Variants in ZMYM2 observed in about 807,000 individuals in gnomAD.
ZMYM2 encodes the protein zinc finger MYM-type protein 2.
A neutral mutation model predicts 162.8 loss-of-function variants in ZMYM2; 56 were observed. That is an observed-to-expected ratio of 0.34 (90% CI 0.28 to 0.43). ZMYM2 has a LOEUF of 0.43. ZMYM2 is among the 20% of genes least tolerant of loss of function. ZMYM2 has a pLI of 1.00. For synonymous variants in ZMYM2, 510 were observed against 541.6 expected (o/e 0.94, Z 0.81); for missense variants, 1,275 against 1,621.8 (o/e 0.79, Z 3.67).
intron 20 of ZMYM2, 76 bp downstream of exon 20, chr13:20,067,095 A>AAAAACAT: frequency 6.9e-7 from 1 of 1,440,954 alleles, no homozygotes. Flanking sequence ...TTTAAATTTA[A>AAAAACAT]AAAACATAAA....
intron 18 of ZMYM2, 72 bp downstream of exon 18, chr13:20,063,043 T>C (rs1028848628): frequency 1.3e-4 from 192 of 1,468,898 alleles, no homozygotes; most frequent in Middle Eastern, 1.7e-4. Flanking sequence ...TACCATTTGA[T>C]GTTTGTGTCA....
Position 20,066,985 on chromosome 13 carries a change from TGAA to T in ZMYM2, c.3270_3272del (p.Glu1090del). ...ACTGGGTCAAAACTAGGCAACTTGA[TGAA>T]GATCTTCTGGTATTAGATGAGTTAA... On this transcript the variant is annotated inframe_deletion, in exon 20 of 25. Transcript: ENST00000610343. The T allele has an allele frequency of 6.2e-7, 1 of 1,611,984 alleles. No homozygotes were observed. Among genetic ancestry groups the T allele is most frequent in the Non-Finnish European group, 8.5e-7 (1 of 1,179,092 alleles).
the ZMYM2 span, among the ~76,000 whole-genome samples, chr13:19,891,358 C>G: frequency 6.6e-6 from 1 of 151,912 alleles, no homozygotes; most frequent in Non-Finnish European, 1.5e-5. Context: ...CCTTAAACTT[C>G]CCAGCTTCCA....
chr13:20,059,712 G>T, intron 16 of ZMYM2, 150 bp downstream of exon 16: 1 of 642,746 alleles, frequency 1.6e-6, no homozygotes, highest in Admixed American at 2.9e-5. Context: ...AAATATGGGC[G>T]GCCCTCTATA....
intron 14 of ZMYM2, among the ~76,000 whole-genome samples, chr13:20,056,437 T>C (rs1426639031): frequency 1.3e-5 from 2 of 152,172 alleles, no homozygotes; most frequent in Non-Finnish European, 2.9e-5. Context: ...CCCCAAATAC[T>C]AGTCTCTTCT....
intron 3 of ZMYM2, among the ~76,000 whole-genome samples, chr13:20,000,608 C>T (rs1950321408): frequency 1.3e-5 from 2 of 152,224 alleles, no homozygotes; most frequent in Admixed American, 1.3e-4. Flanking sequence ...GTGTTTACAG[C>T]ATGGTTTACT....
upstream of ZMYM2, among the ~76,000 whole-genome samples, chr13:19,955,971 G>A (rs995428957): frequency 1.8e-4 from 27 of 152,162 alleles, no homozygotes; most frequent in African/African-American, 6.5e-4. Context: ...CACACACACA[G>A]TTTTAGTTGT....
At chr13:19,915,104 G>A in the ZMYM2 span, among the ~76,000 whole-genome samples, 1 of 152,144 alleles carries the variant, frequency 6.6e-6, no homozygotes, top group Admixed American at 6.6e-5. Flanking sequence ...TGAGACTACA[G>A]GCATGTGCCA....
chr13:20,026,491 A>T (rs1952593411), intron 7 of ZMYM2, 121 bp from the exon 8 acceptor site: 1 of 971,024 alleles, frequency 1.0e-6, no homozygotes, highest in African/African-American at 1.7e-5. Context: ...TCATGACTCT[A>T]AACCTGTTTA....
upstream of ZMYM2, among the ~76,000 whole-genome samples, chr13:19,958,473 G>T (rs1217409927): frequency 6.6e-6 from 1 of 152,104 alleles, no homozygotes; most frequent in African/African-American, 2.4e-5. Context: ...GTGGGGGCGG[G>T]GGACCGGCGG....
chr13:19,882,223 A>G, the ZMYM2 span, among the ~76,000 whole-genome samples: 1 of 152,138 alleles, frequency 6.6e-6, no homozygotes, highest in Non-Finnish European at 1.5e-5. Flanking sequence ...GGAATTACTA[A>G]GAAAGTGAAA....
Position 20,087,308 on chromosome 13 carries a change from T to G in ZMYM2, c.*1294T>G, listed in dbSNP as rs1958332366. On this transcript the variant is annotated 3_prime_UTR_variant, in exon 25 of 25. Transcript: ENST00000610343. ...CAACTTTGTGCTTCTGCATAGCAATTTATCCATTCAGACCTTTTCTTTTAG... is the reference window on the plus strand; with the variant it reads ...CAACTTTGTGCTTCTGCATAGCAATGTATCCATTCAGACCTTTTCTTTTAG... The G allele has an allele frequency of 5.3e-6, 1 of 188,980 alleles. No homozygotes were observed. Among genetic ancestry groups the G allele is most frequent in the Non-Finnish European group, 1.1e-5 (1 of 89,738 alleles). The allele number at this position is 188,980 out of a possible 1,614,324, so 11.7% of individuals were successfully genotyped here.
chr13:20,058,314 A>G (rs1955964423), intron 14 of ZMYM2, among the ~76,000 whole-genome samples: 1 of 152,204 alleles, frequency 6.6e-6, no homozygotes, highest in Non-Finnish European at 1.5e-5. Context: ...ATATTTTTCT[A>G]AAATCATTCT....
the ZMYM2 span, among the ~76,000 whole-genome samples, chr13:19,865,893 G>C: frequency 1.3e-5 from 2 of 151,968 alleles, no homozygotes; most frequent in African/African-American, 4.8e-5. Flanking sequence ...CTAATACAAA[G>C]TCACAGCATT....
At chr13:19,953,277 G>T in the ZMYM2 span, among the ~76,000 whole-genome samples, 2 of 152,124 alleles carry the variant, frequency 1.3e-5, no homozygotes, top group Non-Finnish European at 2.9e-5. Flanking sequence ...TACTTTTCCA[G>T]GCATTGTTAA....
chr13:20,040,142 GA>G (rs933091280), intron 12 of ZMYM2, among the ~76,000 whole-genome samples: 28 of 152,294 alleles, frequency 1.8e-4, no homozygotes, highest in Admixed American at 5.9e-4. Flanking sequence ...CAATTTTTTG[GA>G]ATAGTTTCAG....
chr13:20,088,164 T>G lies in ZMYM2; in HGVS notation c.*2150T>G, dbSNP rs1190212122. On this transcript the variant is annotated 3_prime_UTR_variant, in exon 25 of 25. Coordinates refer to ENST00000610343, the MANE Select transcript of ZMYM2 (RefSeq NM_197968.4). The stretch of plus-strand genomic sequence containing the variant: ...CTTGACATGATTGAGGATTTAGAGC[T>G]CTTGTCTTTGTCTTGATTGCAATCC... The G allele has an allele frequency of 4.9e-6, 1 of 205,584 alleles. No individual in the cohort carries two copies. The highest frequency in any genetic ancestry group is 2.3e-5 in the African/African-American group (1 of 43,896). The allele number at this position is 205,584 out of a possible 1,614,324, so 12.7% of individuals were successfully genotyped here.
intron 2 of ZMYM2, among the ~76,000 whole-genome samples, chr13:19,987,157 A>AGCT (rs1949223398): frequency 6.6e-6 from 1 of 151,682 alleles, no homozygotes; most frequent in Non-Finnish European, 1.5e-5. Flanking sequence ...CAGTTAAGTA[A>AGCT]GCTGCTTAAA....
At chr13:19,954,212 T>C (rs1954473508), upstream of ZMYM2, among the ~76,000 whole-genome samples, 1 of 139,666 alleles carries the variant, frequency 7.2e-6, no homozygotes, top group Non-Finnish European at 1.5e-5. Context: ...CACTGCAAGC[T>C]CCGCCTTCCG....
Sources: allele counts gnomAD v4.1 joint callset (sites outside exome capture counted in the v4.1 genomes callset), GRCh38; gene constraint gnomAD v4.1.1; transcripts MANE v1.5; gene names NCBI Gene and HGNC (gene_info 2026-07-23, HGNC 2026-07-21).